STS: variants seen among roughly 807,000 people sequenced by gnomAD.
STS encodes steroid sulfatase, also known as steryl-sulfatase.
A neutral mutation model predicts 26.8 loss-of-function variants in STS; 7 were observed. The observed-to-expected ratio is 0.26, with a 90% CI of 0.15 to 0.49. STS has a LOEUF of 0.49. STS is among the 20% of genes least tolerant of loss of function. The pLI, the probability that STS is intolerant of heterozygous loss-of-function variation, is 0.98. For missense variants in STS, 434 were observed against 465.6 expected, an observed-to-expected ratio of 0.93 and a Z score of 0.63; for synonymous variants, 199 against 189.4, an observed-to-expected ratio of 1.05 and a Z score of -0.42.
chrX:7,297,843 G>A (rs1273763002), intron 7 of STS, among the ~76,000 whole-genome samples: 2 of 111,553 alleles, frequency 1.8e-5, no homozygotes, highest in Non-Finnish European at 3.8e-5. Flanking sequence ...GGAGATAGGA[G>A]CCACTCTTCT....
At chrX:7,285,414 C>G (rs767328038) in intron 7 of STS, among the ~76,000 whole-genome samples, 1 of 111,719 alleles carries the variant, frequency 9.0e-6, no homozygotes, top group Non-Finnish European at 1.9e-5. Context: ...ATAACTAACT[C>G]AAAGAGAAAG....
chrX:7,202,863 T>G, intron 2 of STS, among the ~76,000 whole-genome samples: 1 of 110,187 alleles, frequency 9.1e-6, no homozygotes, highest in Non-Finnish European at 1.9e-5. Flanking sequence ...GTTCCCTCTC[T>G]CTCTTTATCT....
intron 1 of STS, among the ~76,000 whole-genome samples, chrX:7,157,114 C>T (rs753252886): frequency 3.6e-5 from 4 of 111,781 alleles, no homozygotes; most frequent in Non-Finnish European, 5.6e-5. Flanking sequence ...TTCTGGGGCT[C>T]CAGGTCTCTT....
intron 1 of STS, among the ~76,000 whole-genome samples, chrX:7,171,174 G>T (rs1206131996): frequency 8.9e-6 from 1 of 111,766 alleles, no homozygotes; most frequent in Non-Finnish European, 1.9e-5. Flanking sequence ...ATCTATAGGG[G>T]CAGTTCGGCC....
intron 7 of STS, among the ~76,000 whole-genome samples, chrX:7,280,103 C>T (rs1569211235): frequency 8.9e-6 from 1 of 111,800 alleles, no homozygotes; most frequent in Non-Finnish European, 1.9e-5. Flanking sequence ...AACATATCTC[C>T]GGGACAGATC....
intron 1 of STS, among the ~76,000 whole-genome samples, chrX:7,160,416 A>T (rs977948696): frequency 8.9e-5 from 10 of 112,617 alleles, no homozygotes; most frequent in African/African-American, 3.2e-4. Flanking sequence ...GCCCTGAAAC[A>T]AGGCTGTCTA....
At chrX:7,308,622 A>T (rs779189759) in intron 8 of STS, among the ~76,000 whole-genome samples, 87 of 111,475 alleles carry the variant, frequency 7.8e-4, no homozygotes, top group African/African-American at 2.7e-3. Flanking sequence ...TTTTTTTTTT[A>T]AAGAAATGTA....
intron 2 of STS, among the ~76,000 whole-genome samples, chrX:7,233,616 A>G (rs148006077): frequency 1.1e-3 from 125 of 111,575 alleles, no homozygotes; most frequent in African/African-American, 3.9e-3. Flanking sequence ...TTTTATTTAT[A>G]GATAATCACA....
At chrX:7,259,317 G>GATT in intron 5 of STS, 32 bp from the exon 6 acceptor site, 1 of 1,186,782 alleles carries the variant, frequency 8.4e-7, no homozygotes, top group Non-Finnish European at 1.1e-6. Context: ...GTGTTTATTG[G>GATT]GACTGAAGTG....
chrX:7,214,988 ATACGT>A (rs1921206815), intron 2 of STS, among the ~76,000 whole-genome samples: 2 of 80,211 alleles, frequency 2.5e-5, no homozygotes, highest in Admixed American at 3.4e-4. Flanking sequence ...ATACATATAT[ATACGT>A]ATATATACAT....
chrX:7,190,952 G>A lies in STS; in HGVS notation c.-61G>A, dbSNP rs1256803060. ...GCTGAACCTGCACACAGTCATCTCA[G>A]TAAGTTAAGATCTTCCTGAGGACAA... On this transcript the variant is annotated 5_prime_UTR_variant, in exon 2 of 11. Coordinates refer to ENST00000674429, the MANE Select transcript of STS (RefSeq NM_001320752.2). 1 of 751,230 alleles carries A rather than the reference G, an allele frequency of 1.3e-6. No individual in the cohort carries two copies. Among genetic ancestry groups the A allele is most frequent in the Non-Finnish European group, 1.6e-6 (1 of 638,339 alleles). The allele number at this position is 751,230 out of a possible 1,213,427, so 61.9% of individuals were successfully genotyped here.
chrX:7,345,795 C>T (rs1158118659), intron 10 of STS, among the ~76,000 whole-genome samples: 2 of 111,748 alleles, frequency 1.8e-5, no homozygotes, highest in Admixed American at 9.5e-5. Context: ...TGCCACAACC[C>T]GACTCCAAGA....
intron 3 of STS, among the ~76,000 whole-genome samples, chrX:7,254,576 T>C (rs1259073946): frequency 9.7e-6 from 1 of 103,504 alleles, no homozygotes. Context: ...TTTTTCTTCT[T>C]CTTTTTTTTT....
chrX:7,175,401 G>A (rs1369365970), intron 1 of STS, among the ~76,000 whole-genome samples: 5 of 110,526 alleles, frequency 4.5e-5, no homozygotes, highest in African/African-American at 1.6e-4. Flanking sequence ...GGCTGAAGTA[G>A]GAAGATAACC....
chrX:7,263,791 ATGTG>A (rs1375915389), intron 6 of STS, among the ~76,000 whole-genome samples: 1 of 104,254 alleles, frequency 9.6e-6, no homozygotes, highest in Non-Finnish European at 2.0e-5. Flanking sequence ...ATGTGTAAAT[ATGTG>A]TGTGTATATA....
Position 7,349,976 on chromosome X carries a change from T to C in STS, c.1452T>C (p.Cys484=). Residue 484 remains cysteine, a synonymous_variant, in exon 11 of 11, where the codon TGT becomes TGC. Transcript: ENST00000674429. ...GCTTTGCCACACACGTGTGCTTCTG[T>C]TTCGGGAGTTATGTCACCCATCACG... ...NGCFATHVCF[C]FGSYVTHHDP... 1.7e-6 allele frequency: 2 copies of C among 1,211,729 alleles called. No individual in the cohort carries two copies.
intron 7 of STS, among the ~76,000 whole-genome samples, chrX:7,282,825 G>C (rs1468973888): frequency 8.9e-6 from 1 of 111,896 alleles, no homozygotes. Flanking sequence ...GGAATTACTA[G>C]GAACACAGAT....
chrX:7,342,826 A>G (rs1475552947), intron 10 of STS, among the ~76,000 whole-genome samples: 1 of 111,879 alleles, frequency 8.9e-6, no homozygotes, highest in Admixed American at 9.5e-5. Flanking sequence ...TCAGGTATGG[A>G]CACACTGTAA....
At chrX:7,247,973 AT>A (rs1428838571) in intron 2 of STS, among the ~76,000 whole-genome samples, 4 of 111,970 alleles carry the variant, frequency 3.6e-5, no homozygotes, top group African/African-American at 9.7e-5. Flanking sequence ...TTTAGTGAAT[AT>A]TTATTCACTC....
Sources: gnomAD v4.1 joint callset for allele counts (sites outside exome capture counted in the v4.1 genomes callset) on GRCh38, gnomAD v4.1.1 for gene constraint, MANE v1.5 for transcripts, NCBI Gene and HGNC (gene_info 2026-07-23, HGNC 2026-07-21) for gene names.